The following KYAT3 variants were observed in gnomAD, a reference collection of about 807,000 sequenced individuals.
KYAT3 encodes the protein kynurenine aminotransferase 3, also known as kynurenine--oxoglutarate transaminase 3.
A neutral mutation model predicts 59.0 loss-of-function variants in KYAT3; 50 were observed. That is an observed-to-expected ratio of 0.85 (90% CI 0.68 to 1.07). The LOEUF is 1.07. KYAT3 is among the 50% of genes least tolerant of loss of function. The probability of loss-of-function intolerance (pLI) is 0.00; values close to 1 mark genes in which losing one functional copy is unlikely to be tolerated. For missense variants in KYAT3, 497 were observed against 533.3 expected (o/e 0.93, Z 0.67); for synonymous variants, 148 against 177.0 (o/e 0.84, Z 1.30).
At chr1:88,945,920 C>T (rs373163270) in intron 11 of KYAT3, among the ~76,000 whole-genome samples, 1 of 152,154 alleles carries the variant, frequency 6.6e-6, no homozygotes, top group East Asian at 1.9e-4. Context: ...TTTTCATTAT[C>T]AGAAAAGCTT....
At chr1:88,978,379 C>T (rs957908650) in intron 2 of KYAT3, among the ~76,000 whole-genome samples, 7 of 151,880 alleles carry the variant, frequency 4.6e-5, no homozygotes, top group Admixed American at 1.3e-4. Flanking sequence ...CTCGCTCTGT[C>T]ACCCAGGCTG....
intron 2 of KYAT3, among the ~76,000 whole-genome samples, chr1:88,987,598 T>C (rs187218544): frequency 5.9e-4 from 90 of 152,338 alleles, no homozygotes; most frequent in African/African-American, 2.0e-3. Flanking sequence ...TATAAAACAC[T>C]CATATGCACA....
At chr1:88,963,888 C>A (rs1486202503) in intron 5 of KYAT3, among the ~76,000 whole-genome samples, 1 of 152,186 alleles carries the variant, frequency 6.6e-6, no homozygotes, top group Admixed American at 6.5e-5. Context: ...TCGCAGAAAT[C>A]ATTTTACCTT....
Position 88,988,283 on chromosome 1 carries a change from G to A in KYAT3, c.68C>T (p.Ser23Phe), listed in dbSNP as rs74100109. 2.0e-3 allele frequency: 3,230 copies of A among 1,613,586 alleles called. 63 individuals carry two copies. The African/African-American group carries it at 0.037, about 19-fold the overall frequency. Residue 23 changes from serine to phenylalanine, a missense_variant, in exon 2 of 14, where the codon TCT (serine) becomes TTT (phenylalanine). Around this residue, in one of 2 missense-constraint regions of KYAT3, gnomAD observed 469 missense variants for 479.1 expected, o/e 0.98. Coordinates refer to ENST00000260508, the MANE Select transcript of KYAT3 (RefSeq NM_001008661.3). ...AGTAGAGAATCCGAGGATTTTGGAAGAAGAAATTGTCTTCAGGAATTTTGC... is the reference window on the plus strand; with the variant it reads ...AGTAGAGAATCCGAGGATTTTGGAAAAAGAAATTGTCTTCAGGAATTTTGC... ...GRAKFLKTIS[S>F]SKILGFSTSA...
At chr1:88,924,755 G>A in the KYAT3 span, among the ~76,000 whole-genome samples, 1 of 152,178 alleles carries the variant, frequency 6.6e-6, no homozygotes, top group African/African-American at 2.4e-5. Flanking sequence ...ACCCATTGCT[G>A]CTCCCGATTG....
intron 2 of KYAT3, chr1:88,982,292 T>C: frequency 1.5e-6 from 1 of 680,218 alleles, no homozygotes; most frequent in Non-Finnish European, 1.9e-6. Flanking sequence ...CTCTCCATTT[T>C]AGTTGGCTAG....
chr1:88,968,649 A>G, intron 4 of KYAT3, 21 bp downstream of exon 4: 1 of 1,533,524 alleles, frequency 6.5e-7, no homozygotes, highest in Admixed American at 2.4e-5. Context: ...CTCATGGCCC[A>G]TATGGTCTTG....
chr1:88,956,923 GTT>G (rs1258201749), intron 8 of KYAT3, among the ~76,000 whole-genome samples: 1 of 152,146 alleles, frequency 6.6e-6, no homozygotes, highest in Non-Finnish European at 1.5e-5. Context: ...TTTTCCACTT[GTT>G]TTTCAGAAGC....
intron 8 of KYAT3, among the ~76,000 whole-genome samples, chr1:88,959,572 C>CAAA (rs33949703): frequency 8.5e-6 from 1 of 118,002 alleles, no homozygotes; most frequent in Admixed American, 8.7e-5. Flanking sequence ...GACTCTGTCT[C>CAAA]AAAAAAAAAA....
At chr1:88,982,151 G>T in intron 2 of KYAT3, 1 of 942,426 alleles carries the variant, frequency 1.1e-6, no homozygotes, top group Non-Finnish European at 1.3e-6. Flanking sequence ...TCCTTACATA[G>T]GCATCTGATT....
At chr1:88,939,580 A>G (rs974603038) in intron 13 of KYAT3, among the ~76,000 whole-genome samples, 1 of 152,176 alleles carries the variant, frequency 6.6e-6, no homozygotes, top group Non-Finnish European at 1.5e-5. Context: ...AATTATTATT[A>G]TATGCAGGTT....
At chr1:88,956,375 T>C (rs1168837661) in intron 8 of KYAT3, among the ~76,000 whole-genome samples, 3 of 152,204 alleles carry the variant, frequency 2.0e-5, no homozygotes, top group African/African-American at 7.2e-5. Flanking sequence ...ATAATGTGAA[T>C]TGGCTGTATA....
At chr1:88,985,378 G>A (rs1407507936) in intron 2 of KYAT3, among the ~76,000 whole-genome samples, 1 of 152,174 alleles carries the variant, frequency 6.6e-6, no homozygotes, top group Non-Finnish European at 1.5e-5. Context: ...TAGAAGTTTG[G>A]GTTTGAGGCT....
At chr1:88,954,220 T>C (rs1275673453) in intron 9 of KYAT3, among the ~76,000 whole-genome samples, 1 of 152,134 alleles carries the variant, frequency 6.6e-6, no homozygotes, top group African/African-American at 2.4e-5. Flanking sequence ...TTCTTACCCA[T>C]GCTCAGGAGA....
In KYAT3 at chr1:88,949,252, AT is replaced by A; in HGVS notation, c.979del (p.Ile327LeufsTer20). On this transcript the variant is annotated frameshift_variant, in exon 11 of 14. Coordinates refer to ENST00000260508, the MANE Select transcript of KYAT3 (RefSeq NM_001008661.3). LOFTEE classifies it high-confidence loss of function. ...TGGGTCATCCATGCGCTTGATGTCA[AT>A]CCAGAAAGCTTGAGCCAAGGCTTCC... ...LQEALAQAFW[I>X]DIKRMDDPEC... The A allele has an allele frequency of 6.4e-7, 1 of 1,566,978 alleles. No homozygotes were observed.
At chr1:88,982,396 A>G in intron 2 of KYAT3, 1 of 827,170 alleles carries the variant, frequency 1.2e-6, no homozygotes, top group Non-Finnish European at 1.7e-6. Context: ...TTGGAAAGTT[A>G]CAACACTAGT....
Position 88,988,361 on chromosome 1 carries a change from A to G in KYAT3, c.-1-10T>C. The G allele has an allele frequency of 6.4e-7, 1 of 1,571,968 alleles. No homozygotes were observed. Among genetic ancestry groups the G allele is most frequent in the Non-Finnish European group, 8.7e-7 (1 of 1,143,862 alleles). On this transcript the variant is annotated splice_polypyrimidine_tract_variant and intron_variant, in intron 1 of 13. Transcript: ENST00000260508. ...CTGGGCCAAAAACATGCTATTAAAT[A>G]AAAGAAAAATTGAGAAGAGGAATAA...
chr1:88,965,447 G>A (rs973058581), intron 4 of KYAT3, among the ~76,000 whole-genome samples: 5 of 152,092 alleles, frequency 3.3e-5, no homozygotes, highest in African/African-American at 2.4e-5. Context: ...ATTCACCAAC[G>A]ACACGAACAC....
chr1:88,936,562 T>C (rs1474503550), intron 13 of KYAT3, among the ~76,000 whole-genome samples: 1 of 152,190 alleles, frequency 6.6e-6, no homozygotes, highest in Non-Finnish European at 1.5e-5. Context: ...TTTCTGGATT[T>C]AGTTCTAATG....
Sources: allele counts gnomAD v4.1 joint callset (sites outside exome capture counted in the v4.1 genomes callset), GRCh38; gene constraint gnomAD v4.1.1; regional missense constraint gnomAD v4.1.1; transcripts MANE v1.5; gene names NCBI Gene and HGNC (gene_info 2026-07-23, HGNC 2026-07-21).